Variants in ARID2 observed in about 807,000 individuals in gnomAD.
ARID2 encodes the protein AT-rich interactive domain-containing protein 2.
ARID2 carries 32 observed loss-of-function variants against 184.6 expected under a neutral mutation model. The ratio of observed to expected loss-of-function variants is 0.17; its 90% CI spans 0.13 to 0.23. The LOEUF (loss-of-function observed/expected upper bound fraction) is 0.23. ARID2 is among the 10% of genes least tolerant of loss of function. ARID2 has a pLI of 1.00. For missense variants in ARID2, 1,696 were observed against 2,197.6 expected (o/e 0.77, Z 4.56); for synonymous variants, 836 against 772.6 (o/e 1.08, Z -1.36).
chr12:45,900,205 C>T (rs1436040760), intron 20 of ARID2, among the ~76,000 whole-genome samples: 5 of 152,046 alleles, frequency 3.3e-5, no homozygotes, highest in African/African-American at 7.2e-5. Flanking sequence ...GAACTACAGG[C>T]TCCCACTACT....
At chr12:45,896,922 T>C (rs1233220728) in intron 20 of ARID2, among the ~76,000 whole-genome samples, 2 of 152,078 alleles carry the variant, frequency 1.3e-5, no homozygotes, top group African/African-American at 2.4e-5. Context: ...ATAATCTTAC[T>C]CAAAAAAAGA....
intron 18 of ARID2, among the ~76,000 whole-genome samples, chr12:45,892,740 A>G: frequency 6.6e-6 from 1 of 152,074 alleles, no homozygotes; most frequent in Non-Finnish European, 1.5e-5. Context: ...GCACACAGAT[A>G]ATGATGCACT....
At chr12:45,803,799 G>C (rs781138629) in intron 3 of ARID2, among the ~76,000 whole-genome samples, 19 of 152,062 alleles carry the variant, frequency 1.2e-4, no homozygotes, top group Non-Finnish European at 1.8e-4. Context: ...AAATTTAGTT[G>C]TCCTTTTTGT....
chr12:45,766,906 T>G (rs1213201116), intron 3 of ARID2, among the ~76,000 whole-genome samples: 1 of 150,270 alleles, frequency 6.7e-6, no homozygotes, highest in African/African-American at 2.5e-5. Flanking sequence ...AGGCAGAGAT[T>G]GCGGTGAGCC....
At chr12:45,831,071 AAC>A (rs2138115224) in intron 6 of ARID2, among the ~76,000 whole-genome samples, 1 of 152,110 alleles carries the variant, frequency 6.6e-6, no homozygotes, top group East Asian at 1.9e-4. Context: ...ATTAGAAGAA[AAC>A]ACAAATATAA....
chr12:45,830,564 C>T (rs1943098484), intron 6 of ARID2, among the ~76,000 whole-genome samples: 1 of 152,028 alleles, frequency 6.6e-6, no homozygotes, highest in Non-Finnish European at 1.5e-5. Flanking sequence ...ATAAACTGAC[C>T]CAGGGTCCTA....
At chr12:45,869,864 C>G (rs922142888) in intron 16 of ARID2, among the ~76,000 whole-genome samples, 1 of 152,070 alleles carries the variant, frequency 6.6e-6, no homozygotes, top group African/African-American at 2.4e-5. Context: ...GCCTGTGTGA[C>G]AGAGCAAGAT....
intron 2 of ARID2, among the ~76,000 whole-genome samples, chr12:45,730,964 G>T (rs576222255): frequency 6.6e-6 from 1 of 150,654 alleles, no homozygotes; most frequent in South Asian, 2.1e-4. Context: ...TATTGTCCGG[G>T]CTTCAAAAAC....
At chr12:45,811,575 G>GGAT in intron 4 of ARID2, 24 bp downstream of exon 4, 6 of 1,607,506 alleles carry the variant, frequency 3.7e-6, no homozygotes, top group Non-Finnish European at 5.1e-6. Flanking sequence ...CAAATTAACA[G>GGAT]GATATATGTC....
intron 3 of ARID2, among the ~76,000 whole-genome samples, chr12:45,766,814 G>A (rs895570878): frequency 2.0e-5 from 3 of 149,468 alleles, no homozygotes; most frequent in Admixed American, 6.7e-5. Flanking sequence ...GCGCCCAGCC[G>A]GCATATATTT....
intron 16 of ARID2, among the ~76,000 whole-genome samples, chr12:45,864,734 T>C (rs1943806920): frequency 6.6e-6 from 1 of 152,162 alleles, no homozygotes; most frequent in South Asian, 2.1e-4. Flanking sequence ...CTTGTCTCTT[T>C]TTGTGATATA....
chr12:45,771,835 A>G (rs994278092), intron 3 of ARID2, among the ~76,000 whole-genome samples: 3 of 152,170 alleles, frequency 2.0e-5, no homozygotes, highest in African/African-American at 7.2e-5. Context: ...CCACGGGAAC[A>G]AGGAGAACCA....
chr12:45,838,694 G>C (rs1943267263), intron 10 of ARID2, among the ~76,000 whole-genome samples: 1 of 151,972 alleles, frequency 6.6e-6, no homozygotes, highest in Non-Finnish European at 1.5e-5. Flanking sequence ...TTGAGCCTGG[G>C]AGGTTGAGGC....
chr12:45,808,597 T>A (rs1942643239), intron 3 of ARID2, among the ~76,000 whole-genome samples: 1 of 152,130 alleles, frequency 6.6e-6, no homozygotes, highest in Admixed American at 6.5e-5. Flanking sequence ...ATTATGAGTA[T>A]ATAGTGTTGT....
Position 45,839,444 on chromosome 12 carries a change from G to A in ARID2, c.1446G>A (p.Arg482=), listed in dbSNP as rs527428866. The change falls in exon 11 of 21, where the codon AGG becomes AGA. Residue 482 remains arginine (R), a synonymous_variant. Transcript: ENST00000334344. ...SSSHQMLSEI[R]PQAIEQVQTQ... ...GTCATCAAATGTTATCTGAAATTAG[G>A]CCACAAGCTATAGAGCAAGTCCAAA... The A allele has an allele frequency of 6.8e-6, 11 of 1,614,040 alleles. No individual in the cohort carries two copies. The East Asian group carries it at 2.5e-4, about 36-fold the overall frequency.
At chr12:45,811,141 G>A (rs968169410) in intron 3 of ARID2, among the ~76,000 whole-genome samples, 2 of 151,564 alleles carry the variant, frequency 1.3e-5, no homozygotes, top group African/African-American at 2.4e-5. Flanking sequence ...CCCTGGAGGC[G>A]GAGCTTGCAG....
chr12:45,818,317 T>C (rs901716456), intron 5 of ARID2, among the ~76,000 whole-genome samples: 1 of 152,214 alleles, frequency 6.6e-6, no homozygotes, highest in Non-Finnish European at 1.5e-5. Flanking sequence ...AAAGGCTTCA[T>C]ATCATTTTTA....
At chr12:45,795,024 C>T (rs964644474) in intron 3 of ARID2, among the ~76,000 whole-genome samples, 1 of 151,066 alleles carries the variant, frequency 6.6e-6, no homozygotes, top group Non-Finnish European at 1.5e-5. Context: ...CCACTCCTGT[C>T]GTTTTTTGTG....
chr12:45,907,062 G>C lies in ARID2; in HGVS notation c.*1984G>C, dbSNP rs1472580919. The C allele has an allele frequency of 1.3e-5, 3 of 231,882 alleles. No homozygotes were observed. Among genetic ancestry groups the C allele is most frequent in the African/African-American group, 4.4e-5 (2 of 45,268 alleles). 14.4% of individuals were successfully genotyped at this position (231,882 alleles called of 1,614,324 possible). ...TGGCGCTGTCCTGCCATGTCTCAAAGGAATGTTTGAGAAACTTCATCTAAT... is the reference window on the plus strand; with the variant it reads ...TGGCGCTGTCCTGCCATGTCTCAAACGAATGTTTGAGAAACTTCATCTAAT... On this transcript the variant is annotated 3_prime_UTR_variant, in exon 21 of 21. Coordinates refer to ENST00000334344, the MANE Select transcript of ARID2 (RefSeq NM_152641.4).
Sources: allele counts gnomAD v4.1 joint callset (sites outside exome capture counted in the v4.1 genomes callset), GRCh38; gene constraint gnomAD v4.1.1; transcripts MANE v1.5; gene names NCBI Gene and HGNC (gene_info 2026-07-23, HGNC 2026-07-21).